PLG: variants seen among roughly 807,000 people sequenced by gnomAD.
PLG encodes plasminogen, also known as plasmin.
PLG carries 41 observed loss-of-function variants against 104.4 expected under a neutral mutation model. The ratio of observed to expected loss-of-function variants is 0.39; its 90% confidence interval spans 0.31 to 0.51. PLG has a LOEUF of 0.51. Among genes scored for constraint, PLG ranks in the 20% least tolerant of loss-of-function variants. PLG has a pLI of 0.76. For missense variants in PLG, 891 were observed against 1,003.6 expected, an observed-to-expected ratio of 0.89 and a Z score of 1.52; for synonymous variants, 337 against 357.1, an observed-to-expected ratio of 0.94 and a Z score of 0.63.
In PLG at chr6:160,738,337, G is replaced by A. The variant is rs1356139345; in HGVS notation, c.1803-201G>A. ...CCTCCCCCAAGCATCGGAAAAATTG[G>A]CATAGATGGGCCCTTCTCAAAAATC... On this transcript the variant is annotated intron_variant, in intron 14 of 18. Coordinates refer to ENST00000308192, the MANE Select transcript of PLG (RefSeq NM_000301.5). This position sits in a 1 kb window ranked among gnomAD's most constrained non-coding sequence, Gnocchi z 6.8. 3.4e-6 allele frequency: 2 copies of A among 586,114 alleles called. No individual in the cohort carries two copies. Among genetic ancestry groups the A allele is most frequent in the Non-Finnish European group, 6.3e-6 (2 of 318,822 alleles). The allele number at this position is 586,114 out of a possible 1,614,324, so 36.3% of individuals were successfully genotyped here. A position where few individuals can be genotyped will look rare whatever the true frequency, so the allele number is the denominator to read the frequency against.
chr6:160,730,335 T>C (rs184310637), intron 10 of PLG, among the ~76,000 whole-genome samples: 49 of 152,284 alleles, frequency 3.2e-4, no homozygotes, highest in Admixed American at 9.8e-4. Flanking sequence ...GAGGATGGAT[T>C]GAGAGCAGGA....
intron 17 of PLG, among the ~76,000 whole-genome samples, chr6:160,751,876 A>G (rs1778408083): frequency 6.6e-6 from 1 of 152,230 alleles, no homozygotes; most frequent in Admixed American, 6.5e-5. Context: ...AAGTAAAGAA[A>G]CAACAACCAA....
rs1003532006 is a variant in PLG at position 160,706,555 on chromosome 6, T to A, written c.185+13T>A. The A allele has an allele frequency of 4.3e-6, 7 of 1,612,098 alleles. No homozygotes were observed. Among genetic ancestry groups the A allele is most frequent in the Non-Finnish European group, 5.9e-6 (7 of 1,178,492 alleles). On this transcript the variant is annotated intron_variant, in intron 2 of 18. Coordinates refer to ENST00000308192, the MANE Select transcript of PLG (RefSeq NM_000301.5). Reference sequence around the variant, plus strand: ...AATTCACCTGCAGGTATTTCCATTGTCGTTGCACCTACGCAGGAATCTGTA... The same window carrying A: ...AATTCACCTGCAGGTATTTCCATTGACGTTGCACCTACGCAGGAATCTGTA...
At position 160,736,748 on chromosome 6, in the gene PLG, T is replaced by C. The variant is rs1254812209; in HGVS notation, c.1682-139T>C. On this transcript the variant is annotated intron_variant, in intron 13 of 18. Transcript: ENST00000308192. The surrounding 1 kb of genome is among the most constrained non-coding windows in gnomAD (Gnocchi z 5.2). ...TACCACTTTTGAAACTTAGAGAAAA[T>C]GTTCCAAAAGATGATGATTTTACTA... 2.7e-6 allele frequency: 3 copies of C among 1,091,592 alleles called. No homozygotes were observed. The highest frequency in any genetic ancestry group is 3.1e-5 in the African/African-American group (2 of 64,370). The allele number at this position is 1,091,592 out of a possible 1,614,324, so 67.6% of individuals were successfully genotyped here.
chr6:160,713,272 A>AT (rs549396375), intron 5 of PLG, 147 bp downstream of exon 5: 205 of 713,560 alleles, frequency 2.9e-4, no homozygotes, highest in Middle Eastern at 2.1e-3. Flanking sequence ...AATTAACCTG[A>AT]ATTTTTTTTT....
At chr6:160,749,887 C>T (rs1449164150) in intron 17 of PLG, among the ~76,000 whole-genome samples, 1 of 96,172 alleles carries the variant, frequency 1.0e-5, no homozygotes, top group Non-Finnish European at 2.2e-5. Context: ...CTCATCATCA[C>T]CACCATTCCA....
chr6:160,731,650 C>A lies in PLG; in HGVS notation c.1439-95C>A. 8.1e-7 allele frequency: 1 copy of A among 1,229,078 alleles called. No individual in the cohort carries two copies. Among genetic ancestry groups the A allele is most frequent in the Non-Finnish European group, 1.2e-6 (1 of 831,770 alleles). The allele number at this position is 1,229,078 out of a possible 1,614,324, so 76.1% of individuals were successfully genotyped here. On this transcript the variant is annotated intron_variant, in intron 11 of 18. Transcript: ENST00000308192. This position sits in a 1 kb window ranked among gnomAD's most constrained non-coding sequence, Gnocchi z 5.1. ...TTTCTGAGGAATGTGGCCCCTGATT[C>A]TGTCATCCTAGAGAAACCTGACATG...
At position 160,739,312 on chromosome 6, in the gene PLG, C is replaced by G; in HGVS notation, c.2018+104C>G. ...CTGCATGGCAGTGGGGAGGAACTGT[C>G]TATCACATGAAAGGCTCAAGGGCTT... On this transcript the variant is annotated intron_variant, in intron 16 of 18. Transcript: ENST00000308192. This position sits in a 1 kb window ranked among gnomAD's most constrained non-coding sequence, Gnocchi z 4.4. 3 of 1,463,652 alleles carry G rather than the reference C, an allele frequency of 2.0e-6. No individual in the cohort carries two copies. Among genetic ancestry groups the G allele is most frequent in the Non-Finnish European group, 2.9e-6 (3 of 1,046,398 alleles). 90.7% of individuals were successfully genotyped at this position (1,463,652 alleles called of 1,614,324 possible).
At position 160,731,294 on chromosome 6, in the gene PLG, T is replaced by C. The variant is rs1777995969; in HGVS notation, c.1438+62T>C. ...CGCTGGGATGAAAAGCCATGGAAAA[T>C]CTCACTGATGCAGAAACCTTCCATG... On this transcript the variant is annotated intron_variant, in intron 11 of 18. Transcript: ENST00000308192. This position sits in a 1 kb window ranked among gnomAD's most constrained non-coding sequence, Gnocchi z 5.1. The C allele has an allele frequency of 4.3e-6, 6 of 1,408,500 alleles. No individual in the cohort carries two copies. Among genetic ancestry groups the C allele is most frequent in the African/African-American group, 1.4e-5 (1 of 70,934 alleles). The allele number at this position is 1,408,500 out of a possible 1,614,324, so 87.3% of individuals were successfully genotyped here.
intron 3 of PLG, among the ~76,000 whole-genome samples, chr6:160,710,786 C>A (rs4252078): frequency 1.3e-5 from 2 of 152,064 alleles, no homozygotes; most frequent in East Asian, 3.9e-4. Flanking sequence ...CCTGATTCCA[C>A]TAGAATGTAA....
Position 160,748,431 on chromosome 6 carries a change from C to T in PLG, c.2126-3684C>T, listed in dbSNP as rs13199142. Among the ~76,000 whole-genome samples, 21 of 55,258 alleles carry T rather than the reference C, an allele frequency of 3.8e-4. 1 individual carries two copies. Among genetic ancestry groups the T allele is most frequent in the East Asian group, 1.4e-3 (1 of 738 alleles). The allele number at this position is 55,258 out of a possible 152,430, so 36.3% of individuals were successfully genotyped here. ...AAGAAAGAAAGGGAAAGAAAGAGAA[C>T]GAAAGAAAGAAGGGAGGGAGGGAGG... On this transcript the variant is annotated intron_variant, in intron 17 of 18. Coordinates refer to ENST00000308192, the MANE Select transcript of PLG (RefSeq NM_000301.5).
At chr6:160,717,083 T>C (rs1463220331) in intron 7 of PLG, among the ~76,000 whole-genome samples, 4 of 152,178 alleles carry the variant, frequency 2.6e-5, no homozygotes, top group African/African-American at 9.7e-5. Flanking sequence ...ACCCATGCTC[T>C]CTGACACATG....
At chr6:160,703,544 T>C (rs1290522566) in intron 1 of PLG, among the ~76,000 whole-genome samples, 1 of 152,264 alleles carries the variant, frequency 6.6e-6, no homozygotes, top group East Asian at 1.9e-4. Flanking sequence ...TAGTTCTTCA[T>C]GTAAATAATG....
intron 3 of PLG, chr6:160,708,212 T>C (rs1272039208): frequency 6.0e-6 from 1 of 166,832 alleles, no homozygotes; most frequent in Admixed American, 5.7e-5. Context: ...AAAACAGAAA[T>C]ACTGAGGTGT....
At chr6:160,748,370 A>AGAGAGAGAG (rs1562383303) in intron 17 of PLG, among the ~76,000 whole-genome samples, 4 of 41,398 alleles carry the variant, frequency 9.7e-5, no homozygotes, top group African/African-American at 3.3e-4. Context: ...GAAAGAAAGA[A>AGAGAGAGAG]AGAAAGAAAG....
At chr6:160,750,758 C>G (rs568121175) in intron 17 of PLG, among the ~76,000 whole-genome samples, 4 of 152,252 alleles carry the variant, frequency 2.6e-5, no homozygotes, top group African/African-American at 7.2e-5. Context: ...TGCCTCGGTT[C>G]TTACCTGTGT....
Position 160,722,443 on chromosome 6 carries a change from T to TA in PLG, c.1133dup (p.Tyr378Ter). ...PELTPVVQDC[Y>*]HGDGQSYRGT... ...GCTAACCCCTGTGGTCCAGGACTGC[T>TA]ACCATGGTGATGGACAGAGCTACCG... The change falls in exon 10 of 19, where the codon TAC becomes TAAC. Residue 378 changes from tyrosine (Y) to a stop codon, truncating the protein, a stop_gained and frameshift_variant. Transcript: ENST00000308192. LOFTEE classifies it high-confidence loss of function. The TA allele has an allele frequency of 6.2e-7, 1 of 1,612,962 alleles. No individual in the cohort carries two copies. Among genetic ancestry groups the TA allele is most frequent in the Non-Finnish European group, 8.5e-7 (1 of 1,178,976 alleles).
chr6:160,744,045 G>T lies in PLG; in HGVS notation c.2125+2628G>T, dbSNP rs1468816649. ...CGATGGATTGGCTTTTTTATGTGCT[G>T]CTGGATTTGGTTTGCAAGTATTTTG... is the stretch of plus-strand genomic sequence containing the variant. On this transcript the variant is annotated intron_variant, in intron 17 of 18. Coordinates refer to ENST00000308192, the MANE Select transcript of PLG (RefSeq NM_000301.5). The surrounding 1 kb of genome is among the most constrained non-coding windows in gnomAD (Gnocchi z 4.5). 6.6e-6 allele frequency among the ~76,000 whole-genome samples: 1 copy of T among 152,170 alleles called. No individual in the cohort carries two copies. Among genetic ancestry groups the T allele is most frequent in the African/African-American group, 2.4e-5 (1 of 41,434 alleles).
At chr6:160,746,155 A>G (rs949857357) in intron 17 of PLG, among the ~76,000 whole-genome samples, 2 of 152,166 alleles carry the variant, frequency 1.3e-5, no homozygotes, top group African/African-American at 2.4e-5. Flanking sequence ...TGTATTTTCT[A>G]AATTTGACTA....
Sources: allele counts gnomAD v4.1 joint callset (sites outside exome capture counted in the v4.1 genomes callset), GRCh38; gene constraint gnomAD v4.1.1; non-coding constraint Gnocchi (gnomAD v3.1); transcripts MANE v1.5; gene names NCBI Gene and HGNC (gene_info 2026-07-23, HGNC 2026-07-21).